SIPA1L1: variants seen among roughly 807,000 people sequenced by gnomAD.
SIPA1L1 encodes signal induced proliferation associated 1 like 1, also known as signal-induced proliferation-associated 1-like protein 1.
A neutral mutation model predicts 162.7 loss-of-function variants in SIPA1L1; 26 were observed. The ratio of observed to expected loss-of-function variants is 0.16; its 90% CI spans 0.12 to 0.22. The LOEUF (loss-of-function observed/expected upper bound fraction) is 0.22. SIPA1L1 is among the 10% of genes least tolerant of loss of function. The probability of loss-of-function intolerance (pLI) is 1.00; values close to 1 mark genes in which losing one functional copy is unlikely to be tolerated. For synonymous variants in SIPA1L1, 829 were observed against 837.4 expected, an observed-to-expected ratio of 0.99 and a Z score of 0.17; for missense variants, 1,874 against 2,241.0, an observed-to-expected ratio of 0.84 and a Z score of 3.31.
At chr14:71,481,621 T>C (rs551742288) in intron 2 of SIPA1L1, among the ~76,000 whole-genome samples, 2 of 152,316 alleles carry the variant, frequency 1.3e-5, no homozygotes, top group South Asian at 4.1e-4. Context: ...AGACAGCTGG[T>C]GAAAAACAAA....
rs534433556 is a variant in SIPA1L1 at position 71,456,033 on chromosome 14, A to G, written c.-464-56710A>G. ...CGATTTTGTTTTTACAGCTAAAGGG[A>G]AAAACGTAAATTATTTTATTTCACA... On this transcript the variant is annotated intron_variant, in intron 2 of 23. Coordinates refer to ENST00000381232, the MANE Select transcript of SIPA1L1 (RefSeq NM_001386936.1). 8.5e-5 allele frequency among the ~76,000 whole-genome samples: 13 copies of G among 152,330 alleles called. No homozygotes were observed. In the East Asian group the frequency reaches 2.5e-3, roughly 29 times the overall value.
intron 5 of SIPA1L1, among the ~76,000 whole-genome samples, chr14:71,602,874 A>T (rs2036950398): frequency 6.6e-6 from 1 of 152,200 alleles, no homozygotes; most frequent in Non-Finnish European, 1.5e-5. Context: ...CCTTATTAGA[A>T]TCTAATGCCT....
intron 5 of SIPA1L1, among the ~76,000 whole-genome samples, chr14:71,596,306 A>T (rs1224997472): frequency 6.6e-6 from 1 of 152,144 alleles, no homozygotes; most frequent in African/African-American, 2.4e-5. Context: ...CTGTTACCCC[A>T]GCATGCTCAG....
At chr14:71,567,057 G>A (rs2030784810) in intron 4 of SIPA1L1, among the ~76,000 whole-genome samples, 1 of 152,000 alleles carries the variant, frequency 6.6e-6, no homozygotes, top group African/African-American at 2.4e-5. Context: ...TAATTATCAG[G>A]GAAAGCCTAA....
intron 2 of SIPA1L1, among the ~76,000 whole-genome samples, chr14:71,375,708 T>C (rs781431607): frequency 4.6e-5 from 7 of 152,168 alleles, no homozygotes; most frequent in Middle Eastern, 3.2e-3. Context: ...GTTTTAGCTT[T>C]TTGTATTTGT....
intron 2 of SIPA1L1, among the ~76,000 whole-genome samples, chr14:71,410,352 A>G (rs1400450070): frequency 6.6e-6 from 1 of 152,180 alleles, no homozygotes; most frequent in African/African-American, 2.4e-5. Context: ...TTCAGGAAGT[A>G]TAAGCAGGGT....
At chr14:71,481,923 T>C (rs1391804002) in intron 2 of SIPA1L1, among the ~76,000 whole-genome samples, 1 of 152,250 alleles carries the variant, frequency 6.6e-6, no homozygotes, top group Non-Finnish European at 1.5e-5. Flanking sequence ...GATAGTTGGA[T>C]AATCCTATGA....
intron 7 of SIPA1L1, among the ~76,000 whole-genome samples, chr14:71,630,479 A>C (rs1425185195): frequency 1.3e-5 from 2 of 152,258 alleles, no homozygotes; most frequent in Non-Finnish European, 2.9e-5. Context: ...CAGCAAGACT[A>C]AGATCACACG....
chr14:71,434,689 C>T (rs1314916798), intron 2 of SIPA1L1, among the ~76,000 whole-genome samples: 4 of 152,250 alleles, frequency 2.6e-5, no homozygotes, highest in South Asian at 2.1e-4. Flanking sequence ...AGCGATCCTC[C>T]CACCTCAGCC....
intron 19 of SIPA1L1, among the ~76,000 whole-genome samples, chr14:71,728,617 AT>A (rs1423956684): frequency 6.6e-6 from 1 of 152,184 alleles, no homozygotes; most frequent in Non-Finnish European, 1.5e-5. Context: ...TATCCACTGT[AT>A]TTCTGGGTCT....
chr14:71,705,168 A>G (rs1419567553), intron 15 of SIPA1L1, 54 bp from the exon 16 acceptor site: 2 of 1,237,672 alleles, frequency 1.6e-6, no homozygotes, highest in Non-Finnish European at 2.4e-6. Context: ...ATTTGTCACC[A>G]TGTGCTTGTT....
chr14:71,320,703 T>TCCC (rs140256891), intron 1 of SIPA1L1, among the ~76,000 whole-genome samples, 200 bp downstream of exon 1: 2 of 91,278 alleles, frequency 2.2e-5, no homozygotes, highest in Middle Eastern at 6.1e-3. Context: ...CACCTCCTCA[T>TCCC]CCCCCCCCCG....
intron 2 of SIPA1L1, among the ~76,000 whole-genome samples, chr14:71,480,755 C>CT (rs1270984618): frequency 2.0e-5 from 3 of 152,114 alleles, no homozygotes; most frequent in South Asian, 4.2e-4. Flanking sequence ...GAGCAAGACT[C>CT]TGTTTCCAAA....
intron 4 of SIPA1L1, among the ~76,000 whole-genome samples, chr14:71,536,470 C>A (rs1392040978): frequency 1.3e-5 from 2 of 152,240 alleles, no homozygotes; most frequent in Non-Finnish European, 1.5e-5. Flanking sequence ...TCTGCCCTCT[C>A]TTCCAAGTAA....
At chr14:71,467,865 A>AG (rs1567063085) in intron 2 of SIPA1L1, among the ~76,000 whole-genome samples, 2 of 151,734 alleles carry the variant, frequency 1.3e-5, no homozygotes, top group East Asian at 1.9e-4. Context: ...AAAAAAAAAA[A>AG]AAAAGAAAGA....
chr14:71,466,101 A>C (rs569799488), intron 2 of SIPA1L1, among the ~76,000 whole-genome samples: 1 of 152,278 alleles, frequency 6.6e-6, no homozygotes, highest in East Asian at 1.9e-4. Context: ...TCAAGTTGAC[A>C]CTCAGTATTA....
intron 2 of SIPA1L1, among the ~76,000 whole-genome samples, chr14:71,331,581 A>T (rs76483205): frequency 1.3e-5 from 2 of 152,214 alleles, no homozygotes; most frequent in Non-Finnish European, 2.9e-5. Context: ...AAGGCAATGA[A>T]TCTTGAATTA....
intron 2 of SIPA1L1, among the ~76,000 whole-genome samples, chr14:71,449,856 T>A (rs551528646): frequency 1.2e-3 from 179 of 152,358 alleles, no homozygotes; most frequent in African/African-American, 4.1e-3. Flanking sequence ...CTTTGGCAGA[T>A]GCCAGAAGGC....
At chr14:71,422,464 A>G (rs2043256965) in intron 2 of SIPA1L1, among the ~76,000 whole-genome samples, 1 of 152,142 alleles carries the variant, frequency 6.6e-6, no homozygotes, top group African/African-American at 2.4e-5. Context: ...GTACTCATTA[A>G]ACAGTAACTC....
Sources: allele counts gnomAD v4.1 joint callset (sites outside exome capture counted in the v4.1 genomes callset), GRCh38; gene constraint gnomAD v4.1.1; transcripts MANE v1.5; gene names NCBI Gene and HGNC (gene_info 2026-07-23, HGNC 2026-07-21).